Variants in PIP5K1B observed in about 807,000 individuals in gnomAD.
The protein encoded by PIP5K1B is phosphatidylinositol 4-phosphate 5-kinase type-1 beta.
Under a neutral mutation model 67.0 loss-of-function variants are expected in PIP5K1B, and 42 were observed. The observed-to-expected ratio is 0.63, with a 90% CI of 0.49 to 0.81. PIP5K1B has a LOEUF of 0.81. Among genes scored for constraint, PIP5K1B ranks in the 30% least tolerant of loss-of-function variants. The pLI is 0.00. For synonymous variants in PIP5K1B, 214 were observed against 231.4 expected, an observed-to-expected ratio of 0.92 and a Z score of 0.68; for missense variants, 459 against 646.3, an observed-to-expected ratio of 0.71 and a Z score of 3.14.
chr9:68,967,227 T>C (rs1829086240), intron 14 of PIP5K1B, among the ~76,000 whole-genome samples: 1 of 152,198 alleles, frequency 6.6e-6, no homozygotes, highest in African/African-American at 2.4e-5. Flanking sequence ...CTGGACTTTT[T>C]TGTGGGGACC....
intron 4 of PIP5K1B, among the ~76,000 whole-genome samples, chr9:68,863,478 G>T (rs1354229104): frequency 6.6e-6 from 1 of 152,084 alleles, no homozygotes; most frequent in Admixed American, 6.5e-5. Flanking sequence ...CATTACATCA[G>T]CTTAATTATT....
chr9:68,811,208 T>A (rs7024682), intron 2 of PIP5K1B, among the ~76,000 whole-genome samples: 64 of 152,334 alleles, frequency 4.2e-4, no homozygotes, highest in Middle Eastern at 3.4e-3. Flanking sequence ...ACATTTCCAT[T>A]GAGAATCATG....
chr9:68,962,952 A>G (rs952110189), intron 14 of PIP5K1B, among the ~76,000 whole-genome samples: 2 of 152,220 alleles, frequency 1.3e-5, no homozygotes, highest in Admixed American at 1.3e-4. Flanking sequence ...TAAGATCTCC[A>G]GTCTCTAAAA....
chr9:68,784,658 C>T, intron 2 of PIP5K1B: 1 of 165,886 alleles, frequency 6.0e-6, no homozygotes. Context: ...ATTAGTAGAA[C>T]AATTTTGAAG....
rs77130440 is a variant in PIP5K1B, at chr9:68,975,599, T to C, written c.1503-15541T>C. 7.0e-3 allele frequency among the ~76,000 whole-genome samples: 1,071 copies of C among 152,318 alleles called. 12 individuals are homozygous for C. Among genetic ancestry groups the C allele is most frequent in the Non-Finnish European group, 0.012 (806 of 68,024 alleles). On this transcript the variant is annotated intron_variant, in intron 14 of 15. Coordinates refer to ENST00000265382, the MANE Select transcript of PIP5K1B (RefSeq NM_003558.4). Reference sequence around the variant, plus strand: ...CAGGCATTTATACCACCAGTATTAGTTTGCTAAGCTGCCCTTACAAAGTAC... The same window carrying C: ...CAGGCATTTATACCACCAGTATTAGCTTGCTAAGCTGCCCTTACAAAGTAC...
At chr9:68,816,089 A>G (rs1241614003) in intron 2 of PIP5K1B, among the ~76,000 whole-genome samples, 2 of 152,280 alleles carry the variant, frequency 1.3e-5, no homozygotes, top group African/African-American at 4.8e-5. Flanking sequence ...TTGGAAGATA[A>G]AAGTGTTGTC....
chr9:68,735,867 G>C (rs558758980), intron 1 of PIP5K1B, among the ~76,000 whole-genome samples: 148 of 152,296 alleles, frequency 9.7e-4, no homozygotes, highest in African/African-American at 3.3e-3. Context: ...AAGGGAATGA[G>C]CCATGCGCAT....
intron 14 of PIP5K1B, among the ~76,000 whole-genome samples, chr9:68,960,506 C>G (rs1258594669): frequency 2.0e-5 from 3 of 151,790 alleles, no homozygotes; most frequent in African/African-American, 7.3e-5. Context: ...TTTCTTTTCT[C>G]TGTGTATCTC....
intron 2 of PIP5K1B, chr9:68,780,238 G>A: frequency 6.5e-7 from 1 of 1,542,556 alleles, no homozygotes; most frequent in Non-Finnish European, 8.7e-7. Context: ...GAGGGCGGTG[G>A]CAGCGGCGGC....
At chr9:68,985,610 G>A (rs1830065940) in intron 14 of PIP5K1B, among the ~76,000 whole-genome samples, 1 of 152,234 alleles carries the variant, frequency 6.6e-6, no homozygotes, top group South Asian at 2.1e-4. Flanking sequence ...GGACAGCAGT[G>A]TGTAACCTCT....
intron 15 of PIP5K1B, among the ~76,000 whole-genome samples, chr9:68,993,897 T>C (rs1286755454): frequency 6.6e-6 from 1 of 152,196 alleles, no homozygotes; most frequent in East Asian, 1.9e-4. Context: ...GTTGTTGTTA[T>C]TGACCATAAA....
intron 14 of PIP5K1B, among the ~76,000 whole-genome samples, chr9:68,987,326 G>C (rs1403678504): frequency 1.3e-5 from 2 of 152,152 alleles, no homozygotes; most frequent in Non-Finnish European, 2.9e-5. Flanking sequence ...CACTTTGGGA[G>C]GCCGAGGTGA....
chr9:68,808,277 T>G (rs1480876522), intron 2 of PIP5K1B, among the ~76,000 whole-genome samples: 5 of 152,156 alleles, frequency 3.3e-5, no homozygotes, highest in Non-Finnish European at 7.4e-5. Context: ...TGAGATTATT[T>G]GTGATTATCC....
At chr9:68,939,364 T>C (rs1827440564) in intron 13 of PIP5K1B, among the ~76,000 whole-genome samples, 1 of 152,192 alleles carries the variant, frequency 6.6e-6, no homozygotes, top group Non-Finnish European at 1.5e-5. Context: ...CAGCTCCACC[T>C]ACCTTATAAG....
At chr9:68,981,076 T>C (rs1193853554) in intron 14 of PIP5K1B, among the ~76,000 whole-genome samples, 1 of 152,188 alleles carries the variant, frequency 6.6e-6, no homozygotes, top group East Asian at 1.9e-4. Flanking sequence ...GGAGCAATTT[T>C]GTTATAGCTG....
At chr9:68,916,213 A>G (rs539531816) in intron 8 of PIP5K1B, among the ~76,000 whole-genome samples, 1 of 152,296 alleles carries the variant, frequency 6.6e-6, no homozygotes, top group Non-Finnish European at 1.5e-5. Flanking sequence ...AATACCAGGT[A>G]TTAAGAAGTC....
intron 1 of PIP5K1B, among the ~76,000 whole-genome samples, chr9:68,740,838 C>G (rs1395103764): frequency 6.6e-6 from 1 of 152,188 alleles, no homozygotes; most frequent in Admixed American, 6.5e-5. Context: ...GTCACAAGAT[C>G]TGAGCTCAAG....
In PIP5K1B at chr9:68,818,523, G is replaced by T. The variant is rs954206241; in HGVS notation, c.-23G>T. ...CCACCCATCACTACTAACTACAGAT[G>T]ACTTGCCATTTCATTTACAAAGGTA... On this transcript the variant is annotated 5_prime_UTR_variant, in exon 3 of 16. The change abolishes an upstream ATG in the 5' untranslated region. Transcript: ENST00000265382. 1.4e-4 allele frequency: 21 copies of T among 152,574 alleles called. No individual in the cohort carries two copies. Among genetic ancestry groups the T allele is most frequent in the African/African-American group, 4.8e-4 (20 of 41,436 alleles). The allele number at this position is 152,574 out of a possible 1,614,324, so 9.5% of individuals were successfully genotyped here.
intron 2 of PIP5K1B, among the ~76,000 whole-genome samples, chr9:68,751,182 A>T (rs1370174086): frequency 6.6e-6 from 1 of 152,212 alleles, no homozygotes; most frequent in Non-Finnish European, 1.5e-5. Context: ...AACGGTTGTA[A>T]GGTTCAAATG....
Sources: gnomAD v4.1 joint callset for allele counts (sites outside exome capture counted in the v4.1 genomes callset) on GRCh38, gnomAD v4.1.1 for gene constraint, MANE v1.5 for transcripts, NCBI Gene and HGNC (gene_info 2026-07-23, HGNC 2026-07-21) for gene names.